The following COL9A1 variants were observed in gnomAD, a reference collection of about 807,000 sequenced individuals.
COL9A1 encodes the protein collagen type IX alpha 1 chain, also known as collagen alpha-1(IX) chain.
In COL9A1, 104 loss-of-function variants were observed where a neutral mutation model predicts 142.6. That is an observed-to-expected ratio of 0.73 (90% CI 0.62 to 0.86). The LOEUF is 0.86. Ranked by LOEUF, COL9A1 falls within the 40% of genes least tolerant of loss-of-function variation. COL9A1 has a pLI of 0.00. For missense variants in COL9A1, 1,210 were observed against 1,176.6 expected, an observed-to-expected ratio of 1.03 and a Z score of -0.42; for synonymous variants, 466 against 396.0, an observed-to-expected ratio of 1.18 and a Z score of -2.10.
rs752887927 is a variant in COL9A1 at position 70,281,011 on chromosome 6, C to G, written c.905G>C (p.Gly302Ala). ...DGDRGPKGPP[G>A]PPGPAGEPGK... is the part of the protein sequence containing the mutation. ...ATGCTCCAATCAACTTACCGGGGGG[C>G]CCGGGGGGCCCTTAGGACCTCGGTC... The change falls in exon 9 of 38, where the codon GGC becomes GCC. Residue 302 changes from glycine to alanine, a missense_variant. Coordinates refer to ENST00000357250, the MANE Select transcript of COL9A1 (RefSeq NM_001851.6). The G allele has an allele frequency of 1.2e-6, 2 of 1,613,204 alleles. No individual in the cohort carries two copies. Among genetic ancestry groups the G allele is most frequent in the Non-Finnish European group, 8.5e-7 (1 of 1,179,652 alleles).
intron 4 of COL9A1, among the ~76,000 whole-genome samples, chr6:70,295,281 C>CTTG (rs1773809892): frequency 1.6e-5 from 1 of 63,130 alleles, no homozygotes; most frequent in Non-Finnish European, 2.8e-5. Context: ...GTTGTTGCTT[C>CTTG]TTTTTTTTTT....
chr6:70,237,563 T>C (rs189734072), intron 33 of COL9A1, among the ~76,000 whole-genome samples: 33 of 152,330 alleles, frequency 2.2e-4, no homozygotes, highest in Admixed American at 1.1e-3. Flanking sequence ...ATATGCAAAT[T>C]TGAATGCAAT....
chr6:70,292,261 C>T (rs1396431557), intron 5 of COL9A1, among the ~76,000 whole-genome samples: 3 of 152,098 alleles, frequency 2.0e-5, no homozygotes, highest in East Asian at 1.9e-4. Context: ...GGCTGTTAGG[C>T]TCAAGTCTTT....
chr6:70,236,396 G>C (rs1427190588), intron 33 of COL9A1, among the ~76,000 whole-genome samples: 1 of 152,164 alleles, frequency 6.6e-6, no homozygotes, highest in East Asian at 1.9e-4. Context: ...ATTTGTGGCA[G>C]AATAGCTCCA....
intron 17 of COL9A1, among the ~76,000 whole-genome samples, chr6:70,267,327 G>GTTTTTTTTTTTT (rs61373051): frequency 0.011 from 1,376 of 126,676 alleles, 74 homozygotes; most frequent in African/African-American, 0.024. Flanking sequence ...TGGTTTTTTT[G>GTTTTTTTTTTTT]TTTTTTTTTT....
chr6:70,242,174 G>T, intron 29 of COL9A1, 139 bp from the exon 30 acceptor site: 1 of 758,180 alleles, frequency 1.3e-6, no homozygotes, highest in South Asian at 1.5e-5. Flanking sequence ...TCTTGGGTTT[G>T]CCTCTCTTTC....
At chr6:70,236,019 A>T (rs1460392287) in intron 33 of COL9A1, among the ~76,000 whole-genome samples, 1 of 148,838 alleles carries the variant, frequency 6.7e-6, no homozygotes, top group Non-Finnish European at 1.5e-5. Flanking sequence ...AGGCTGAGGC[A>T]GGAGAAAGCC....
At chr6:70,221,558 T>A (rs1478952721) in intron 37 of COL9A1, among the ~76,000 whole-genome samples, 1 of 152,198 alleles carries the variant, frequency 6.6e-6, no homozygotes, top group Non-Finnish European at 1.5e-5. Flanking sequence ...CACCTTTCTG[T>A]GGACTTTGCA....
At chr6:70,230,327 C>T (rs189105454) in intron 36 of COL9A1, among the ~76,000 whole-genome samples, 2 of 152,124 alleles carry the variant, frequency 1.3e-5, no homozygotes, top group Non-Finnish European at 2.9e-5. Context: ...ATTTAATTAC[C>T]GCTCCCTACC....
intron 9 of COL9A1, 61 bp downstream of exon 9, chr6:70,280,943 G>T: frequency 1.2e-6 from 2 of 1,612,434 alleles, no homozygotes; most frequent in Non-Finnish European, 1.7e-6. Flanking sequence ...TTCAGAAACA[G>T]GGGGCTGCAA....
intron 36 of COL9A1, among the ~76,000 whole-genome samples, chr6:70,227,489 G>GTTC (rs1448420917): frequency 1.5e-5 from 2 of 129,180 alleles, no homozygotes; most frequent in Non-Finnish European, 3.2e-5. Context: ...AAATTCCAAA[G>GTTC]TTCAATTAAA....
intron 4 of COL9A1, among the ~76,000 whole-genome samples, chr6:70,298,713 G>A (rs1351353797): frequency 1.3e-5 from 2 of 152,112 alleles, no homozygotes; most frequent in African/African-American, 4.8e-5. Context: ...AATCAGGTCA[G>A]CACTGAGGAC....
At chr6:70,289,166 G>A (rs1773563327) in intron 5 of COL9A1, among the ~76,000 whole-genome samples, 1 of 152,030 alleles carries the variant, frequency 6.6e-6, no homozygotes, top group South Asian at 2.1e-4. Context: ...AGCTCTGAAA[G>A]CCCATGATTC....
In COL9A1 at chr6:70,235,079, A is replaced by T. The variant is rs886873508; in HGVS notation, c.2113-139T>A. 4 of 1,029,370 alleles carry T rather than the reference A, an allele frequency of 3.9e-6. No individual in the cohort carries two copies. The African/African-American group carries it at 4.7e-5, about 12-fold the overall frequency. The allele number at this position is 1,029,370 out of a possible 1,614,324, so 63.8% of individuals were successfully genotyped here. A position where few individuals can be genotyped will look rare whatever the true frequency, so the allele number is the denominator to read the frequency against. On this transcript the variant is annotated intron_variant, in intron 33 of 37. Transcript: ENST00000357250. ...CAGGTGTTCTTTCAGAGGTTACAAA[A>T]CCTTCACTGCAAGGTGAAGACACAT...
chr6:70,280,052 A>G lies in COL9A1; in HGVS notation c.975+760T>C, dbSNP rs770166030. ...TATTACATATTGTTAGAATGCATGGAAAGAGGAGAAGCTGAGAATCCTGAA... is the reference window on the plus strand; with the variant it reads ...TATTACATATTGTTAGAATGCATGGGAAGAGGAGAAGCTGAGAATCCTGAA... On this transcript the variant is annotated intron_variant, in intron 10 of 37. Transcript: ENST00000357250. The G allele has an allele frequency of 3.5e-5, 24 of 692,630 alleles. 1 individual carries two copies. Among genetic ancestry groups the G allele is most frequent in the South Asian group, 2.9e-4 (18 of 62,718 alleles). The allele number at this position is 692,630 out of a possible 1,614,324, so 42.9% of individuals were successfully genotyped here. A position where few individuals can be genotyped will look rare whatever the true frequency, so the allele number is the denominator to read the frequency against.
intron 33 of COL9A1, among the ~76,000 whole-genome samples, chr6:70,235,741 G>A (rs1562293505): frequency 6.6e-6 from 1 of 151,714 alleles, no homozygotes; most frequent in South Asian, 2.1e-4. Context: ...TTTAGAGAAT[G>A]TGAAGATGCC....
intron 36 of COL9A1, among the ~76,000 whole-genome samples, chr6:70,227,797 T>G (rs1016768971): frequency 1.3e-5 from 2 of 152,154 alleles, no homozygotes; most frequent in East Asian, 3.8e-4. Flanking sequence ...TAGAACACTA[T>G]GCAGCTGTGA....
Position 70,225,985 on chromosome 6 carries a change from C to T in COL9A1, c.2528G>A (p.Arg843His), listed in dbSNP as rs547618159. ...GTTGGGACCTCTTCCTGGAGGGCCA[C>T]GCTCCCCCTTTTCTCCCAAGTCACC... ...PKGDLGEKGE[R>H]GPPGRGPNGL... Residue 843 changes from arginine (R) to histidine (H), a missense_variant, in exon 37 of 38, where the codon CGT (arginine) becomes CAT (histidine). Coordinates refer to ENST00000357250, the MANE Select transcript of COL9A1 (RefSeq NM_001851.6). The T allele has an allele frequency of 1.7e-5, 28 of 1,613,866 alleles. No individual in the cohort carries two copies. The highest frequency in any genetic ancestry group is 9.9e-5 in the South Asian group (9 of 91,074).
chr6:70,282,293 A>T (rs1562325193), intron 7 of COL9A1, among the ~76,000 whole-genome samples: 1 of 152,244 alleles, frequency 6.6e-6, no homozygotes, highest in Non-Finnish European at 1.5e-5. Context: ...ACAGGTTACA[A>T]TGGGGTCTTT....
Sources: gnomAD v4.1 joint callset for allele counts (sites outside exome capture counted in the v4.1 genomes callset) on GRCh38, gnomAD v4.1.1 for gene constraint, MANE v1.5 for transcripts, NCBI Gene and HGNC (gene_info 2026-07-23, HGNC 2026-07-21) for gene names.